Variants in RBM11 observed in about 807,000 individuals in gnomAD.
The protein encoded by RBM11 is splicing regulator RBM11.
A neutral mutation model predicts 21.4 loss-of-function variants in RBM11; 18 were observed. The observed-to-expected ratio is 0.84, with a 90% CI of 0.58 to 1.25. RBM11 has a LOEUF of 1.25. Ranked by LOEUF, RBM11 falls within the 50% of genes most tolerant of loss-of-function variation. The pLI, the probability that RBM11 is intolerant of heterozygous loss-of-function variation, is 0.00. For synonymous variants in RBM11, 120 were observed against 116.3 expected, an observed-to-expected ratio of 1.03 and a Z score of -0.20; for missense variants, 294 against 331.9, an observed-to-expected ratio of 0.89 and a Z score of 0.89.
At chr21:14,223,226 T>G (rs562704019) in intron 3 of RBM11, among the ~76,000 whole-genome samples, 1 of 152,348 alleles carries the variant, frequency 6.6e-6, no homozygotes, top group South Asian at 2.1e-4. Flanking sequence ...TTTCTGATAT[T>G]ATAAAGAAAG....
chr21:14,227,259 A>G lies in RBM11; in HGVS notation c.812A>G (p.Lys271Arg), dbSNP rs762833076. 1.9e-6 allele frequency: 3 copies of G among 1,613,036 alleles called. No individual in the cohort carries two copies. The highest frequency in any genetic ancestry group is 2.2e-5 in the East Asian group (1 of 44,882). ...DNNRGNECSQKFRKSKKKKRY is the reference protein window; with the variant it reads ...DNNRGNECSQRFRKSKKKKRY Reference sequence around the variant, plus strand: ...AACAGAGGCAACGAATGTAGCCAAAAGTTCCGAAAGTCTAAGAAGAAGAAA... The same window carrying G: ...AACAGAGGCAACGAATGTAGCCAAAGGTTCCGAAAGTCTAAGAAGAAGAAA... The change falls in exon 5 of 5, where the codon AAG (lysine) becomes AGG (arginine). Residue 271 changes from lysine (K) to arginine (R), a missense_variant. By Grantham distance (26) the Lys-to-Arg change is conservative (BLOSUM62 2). Transcript: ENST00000400577.
chr21:14,224,913 G>A (rs1467894572), intron 4 of RBM11, among the ~76,000 whole-genome samples: 2 of 152,142 alleles, frequency 1.3e-5, no homozygotes, highest in Non-Finnish European at 2.9e-5. Context: ...GAGGTCAAGA[G>A]GTCGAGACCA....
rs1979222171 is a variant in RBM11 at position 14,227,624 on chromosome 21, TC to T, written c.*334del. Reference sequence around the variant, plus strand: ...TGAACACATTGATAAAGCATCATGTTCCCTTTGATTATCCCCTATAACCAAC... The same window carrying T: ...TGAACACATTGATAAAGCATCATGTTCCTTTGATTATCCCCTATAACCAAC... On this transcript the variant is annotated 3_prime_UTR_variant, in exon 5 of 5. Coordinates refer to ENST00000400577, the MANE Select transcript of RBM11 (RefSeq NM_144770.5). 2 of 250,430 alleles carry T rather than the reference TC, an allele frequency of 8.0e-6. No homozygotes were observed. Among genetic ancestry groups the T allele is most frequent in the South Asian group, 1.3e-4 (2 of 15,598 alleles). 15.5% of individuals were successfully genotyped at this position (250,430 alleles called of 1,614,324 possible). A position where few individuals can be genotyped will look rare whatever the true frequency, so the allele number is the denominator to read the frequency against.
At position 14,219,657 on chromosome 21, in the gene RBM11, CTT is replaced by C; in HGVS notation, c.192_193del (p.Tyr65CysfsTer16). 2 of 1,608,338 alleles carry C rather than the reference CTT, an allele frequency of 1.2e-6. No homozygotes were observed. The highest frequency in any genetic ancestry group is 8.5e-7 in the Non-Finnish European group (1 of 1,176,112). On this transcript the variant is annotated frameshift_variant, in exon 2 of 5. Coordinates refer to ENST00000400577, the MANE Select transcript of RBM11 (RefSeq NM_144770.5). LOFTEE classifies it high-confidence loss of function. ...TGCTTTAAACACCCAGAATCGGTGT[CTT>C]ATGCCATAGCTTTGCTGAATGGAAT...
rs750264062 is a variant in RBM11 at position 14,216,201 on chromosome 21, G to A, written c.15G>A (p.Gln5=). The A allele has an allele frequency of 3.7e-6, 6 of 1,613,574 alleles. No homozygotes were observed. The highest frequency in any genetic ancestry group is 1.6e-4 in the Middle Eastern group (1 of 6,084). The change falls in exon 1 of 5, where the codon CAG becomes CAA. Residue 5 remains glutamine, a synonymous_variant. Coordinates refer to ENST00000400577, the MANE Select transcript of RBM11 (RefSeq NM_144770.5). MFPA[Q]EEADRTVFVG... The stretch of plus-strand genomic sequence containing the variant: ...GAGACCGGAGGATGTTCCCTGCTCA[G>A]GAGGAGGCCGACAGGACCGTGTTTG...
chr21:14,218,288 C>T (rs897839668), intron 1 of RBM11, among the ~76,000 whole-genome samples: 6 of 152,068 alleles, frequency 3.9e-5, no homozygotes, highest in Non-Finnish European at 7.4e-5. Context: ...ATAAAAATCA[C>T]CAATTTTATT....
At position 14,227,659 on chromosome 21, in the gene RBM11, A is replaced by G. The variant is rs1332071829; in HGVS notation, c.*366A>G. On this transcript the variant is annotated 3_prime_UTR_variant, in exon 5 of 5. Coordinates refer to ENST00000400577, the MANE Select transcript of RBM11 (RefSeq NM_144770.5). The stretch of plus-strand genomic sequence containing the variant: ...TATCCCCTATAACCAACACTCAACT[A>G]CAAATAGGCTGGGATTCAATGTGGA... 1 of 186,632 alleles carries G rather than the reference A, an allele frequency of 5.4e-6. No homozygotes were observed. The highest frequency in any genetic ancestry group is 2.4e-5 in the African/African-American group (1 of 42,130). 11.6% of individuals were successfully genotyped at this position (186,632 alleles called of 1,614,324 possible).
intron 3 of RBM11, 56 bp from the exon 4 acceptor site, chr21:14,224,382 G>A (rs1413699350): frequency 5.3e-6 from 8 of 1,512,384 alleles, no homozygotes; most frequent in Non-Finnish European, 7.1e-6. Context: ...AAGAGAAAAT[G>A]ACATTTGTAA....
chr21:14,219,712 G>A lies in RBM11; in HGVS notation c.246G>A (p.Val82=). The A allele has an allele frequency of 6.3e-7, 1 of 1,595,504 alleles. No individual in the cohort carries two copies. Among genetic ancestry groups the A allele is most frequent in the African/African-American group, 1.3e-5 (1 of 74,632 alleles). Residue 82 remains valine, a synonymous_variant, in exon 2 of 5, where the codon GTG becomes GTA. Transcript: ENST00000400577. ...GTTTATATGGAAGACCAATTAACGT[G>A]CAGTATCGATTTGGTAGGTCCTGTC... is the stretch of plus-strand genomic sequence containing the variant. The part of the protein sequence containing the change: ...GIRLYGRPIN[V]QYRFGSSRSS...
chr21:14,218,620 C>G (rs2123389690), intron 1 of RBM11, among the ~76,000 whole-genome samples: 1 of 152,254 alleles, frequency 6.6e-6, no homozygotes, highest in East Asian at 1.9e-4. Flanking sequence ...TCTTAACACA[C>G]AGAATTATTT....
chr21:14,225,197 ATAGATTGCTTTTGGACAT>A (rs1004534709), intron 4 of RBM11, among the ~76,000 whole-genome samples: 32 of 152,234 alleles, frequency 2.1e-4, no homozygotes, highest in Admixed American at 6.5e-5. Context: ...TCAATCCCAA[ATAGATTGCTTTTGGACAT>A]GGATTTTTAA....
chr21:14,226,548 G>A (rs1463991017), intron 4 of RBM11, among the ~76,000 whole-genome samples: 1 of 151,678 alleles, frequency 6.6e-6, no homozygotes, highest in Non-Finnish European at 1.5e-5. Flanking sequence ...GAACCCAGGA[G>A]GCGCAGGTTG....
chr21:14,225,873 C>T (rs947533203), intron 4 of RBM11, among the ~76,000 whole-genome samples: 1 of 151,984 alleles, frequency 6.6e-6, no homozygotes, highest in Non-Finnish European at 1.5e-5. Flanking sequence ...GGAAGCATCT[C>T]TCTAAACAGT....
Position 14,226,885 on chromosome 21 carries a change from G to T in RBM11, c.438G>T (p.Trp146Cys). The stretch of plus-strand genomic sequence containing the variant: ...TGAATGTCTTGTTTTCACAGCAGTG[G>T]CATGTGTATAATCCAGTGCTGCAGC... Reference protein sequence around the residue: ...QEYFLFQKMQWHVYNPVLQLP... With the variant: ...QEYFLFQKMQCHVYNPVLQLP... The change falls in exon 5 of 5, where the codon TGG becomes TGT. Residue 146 changes from tryptophan (W) to cysteine (C), a missense_variant. Trp to Cys is a radical substitution (Grantham distance 215). This residue lies in a region of RBM11 where 113 missense variants were observed against 167.3 expected (regional missense o/e 0.68). Coordinates refer to ENST00000400577, the MANE Select transcript of RBM11 (RefSeq NM_144770.5). 6.2e-7 allele frequency: 1 copy of T among 1,605,512 alleles called. No individual in the cohort carries two copies. The highest frequency in any genetic ancestry group is 8.5e-7 in the Non-Finnish European group (1 of 1,175,556).
intron 4 of RBM11, among the ~76,000 whole-genome samples, chr21:14,224,740 A>G (rs1978955262): frequency 2.0e-5 from 3 of 152,236 alleles, no homozygotes; most frequent in African/African-American, 7.2e-5. Context: ...CAGGGTGTCA[A>G]CAGAAAAGGG....
chr21:14,224,969 A>C lies in RBM11; in HGVS notation c.432+432A>C, dbSNP rs956911251. 6.6e-5 allele frequency among the ~76,000 whole-genome samples: 10 copies of C among 152,084 alleles called. No individual in the cohort carries two copies. In the East Asian group the frequency reaches 1.9e-3, roughly 29 times the overall value. ...CCCTCTCCATCATAAAAATAGAAAA[A>C]ATTAACTGGGCATGGTGGTGCACAC... On this transcript the variant is annotated intron_variant, in intron 4 of 4. Coordinates refer to ENST00000400577, the MANE Select transcript of RBM11 (RefSeq NM_144770.5).
intron 2 of RBM11, 57 bp from the exon 3 acceptor site, chr21:14,221,040 T>C: frequency 6.7e-7 from 1 of 1,490,492 alleles, no homozygotes; most frequent in East Asian, 2.5e-5. Context: ...TGGTTTAATA[T>C]TACAACTCAA....
intron 1 of RBM11, 31 bp from the exon 2 acceptor site, chr21:14,219,532 T>C (rs560007596): frequency 1.4e-6 from 2 of 1,420,806 alleles, no homozygotes; most frequent in South Asian, 3.1e-5. Flanking sequence ...TCTTTGGATT[T>C]ATGAGAAAAT....
intron 3 of RBM11, among the ~76,000 whole-genome samples, chr21:14,221,927 C>T (rs752662947): frequency 5.3e-5 from 8 of 152,166 alleles, no homozygotes; most frequent in Non-Finnish European, 8.8e-5. Flanking sequence ...CTGTATCAGC[C>T]TCCCCTGCTG....
Sources: allele counts gnomAD v4.1 joint callset (sites outside exome capture counted in the v4.1 genomes callset), GRCh38; gene constraint gnomAD v4.1.1; regional missense constraint gnomAD v4.1.1; transcripts MANE v1.5; gene names NCBI Gene and HGNC (gene_info 2026-07-23, HGNC 2026-07-21).